NAALADL2: variants seen among roughly 807,000 people sequenced by gnomAD.
NAALADL2 encodes N-acetylated alpha-linked acidic dipeptidase like 2.
Under a neutral mutation model 87.2 loss-of-function variants are expected in NAALADL2, and 76 were observed. The ratio of observed to expected loss-of-function variants is 0.87; its 90% CI spans 0.72 to 1.05. The LOEUF is 1.05. NAALADL2 is among the 50% of genes least tolerant of loss of function. The probability of loss-of-function intolerance (pLI) is 0.00; values close to 1 mark genes in which losing one functional copy is unlikely to be tolerated. For synonymous variants in NAALADL2, 354 were observed against 331.0 expected, an observed-to-expected ratio of 1.07 and a Z score of -0.75; for missense variants, 1,089 against 945.8, an observed-to-expected ratio of 1.15 and a Z score of -1.99.
chr3:174,556,222 T>C (rs1235473472), intron 2 of NAALADL2, among the ~76,000 whole-genome samples: 13 of 152,128 alleles, frequency 8.5e-5, no homozygotes. Context: ...TTCCCTGTCG[T>C]GGGCCATGAT....
chr3:175,423,018 G>GA lies in NAALADL2; in HGVS notation c.1091-24200dup, dbSNP rs1218647180. Among the ~76,000 whole-genome samples, 433 of 61,566 alleles carry GA rather than the reference G, an allele frequency of 7.0e-3. 12 individuals carry two copies. The highest frequency in any genetic ancestry group is 0.031 in the African/African-American group (390 of 12,676). 40.4% of individuals were successfully genotyped at this position (61,566 alleles called of 152,430 possible). On this transcript the variant is annotated intron_variant, in intron 5 of 13. Transcript: ENST00000454872. The stretch of plus-strand genomic sequence containing the variant: ...AAAGAGATGGCTCCCAGGTCCTTAA[G>GA]AAAAAAAAAAATATATATATATATA...
intron 1 of NAALADL2, among the ~76,000 whole-genome samples, chr3:174,987,595 A>AT (rs1746095962): frequency 5.6e-5 from 8 of 141,964 alleles, no homozygotes; most frequent in African/African-American, 1.9e-4. Context: ...AAAAAAAAAA[A>AT]AAACAATACT....
chr3:174,984,264 T>C (rs1235536206), intron 1 of NAALADL2, among the ~76,000 whole-genome samples: 4 of 152,236 alleles, frequency 2.6e-5, no homozygotes, highest in Non-Finnish European at 5.9e-5. Flanking sequence ...CATGGCAATT[T>C]ACATTGAAAA....
At chr3:174,477,951 GA>G (rs573225552) in intron 1 of NAALADL2, among the ~76,000 whole-genome samples, 106 of 152,280 alleles carry the variant, frequency 7.0e-4, no homozygotes, top group Non-Finnish European at 2.2e-4. Flanking sequence ...GATTAATGGA[GA>G]AAAGTCATTG....
At chr3:174,941,357 G>T (rs578016001) in intron 1 of NAALADL2, among the ~76,000 whole-genome samples, 1 of 152,208 alleles carries the variant, frequency 6.6e-6, no homozygotes, top group South Asian at 2.1e-4. Context: ...TATGGTCCGA[G>T]ACTGTGTTTG....
intron 3 of NAALADL2, among the ~76,000 whole-genome samples, chr3:174,839,843 A>T (rs1245684613): frequency 2.7e-5 from 4 of 147,254 alleles, no homozygotes; most frequent in Non-Finnish European, 4.4e-5. Flanking sequence ...AAAAAATAAT[A>T]AAAAAAAATA....
intron 10 of NAALADL2, among the ~76,000 whole-genome samples, chr3:175,596,544 C>T (rs1185773508): frequency 6.6e-6 from 1 of 151,838 alleles, no homozygotes; most frequent in Non-Finnish European, 1.5e-5. Flanking sequence ...TGTTTCCTAA[C>T]TTTGAAGTTA....
At chr3:175,224,343 G>A (rs1183522383) in intron 2 of NAALADL2, among the ~76,000 whole-genome samples, 1 of 152,168 alleles carries the variant, frequency 6.6e-6, no homozygotes, top group Non-Finnish European at 1.5e-5. Flanking sequence ...GGCAGGATGT[G>A]TCTCACAGCC....
rs1755003991 is a variant in NAALADL2 at position 175,809,540 on chromosome 3, G to GAAAAGA, written c.*6343_*6348dup. 1.1e-5 allele frequency: 1 copy of GAAAAGA among 90,898 alleles called. No homozygotes were observed. The highest frequency in any genetic ancestry group is 4.0e-5 in the African/African-American group (1 of 25,224). 5.6% of individuals were successfully genotyped at this position (90,898 alleles called of 1,614,324 possible). A position where few individuals can be genotyped will look rare whatever the true frequency, so the allele number is the denominator to read the frequency against. ...AAAAAAAAAAAAAAAAAAAAAAAAA[G>GAAAAGA]AAAAGAAAAAGTAGCTAGGCATGTT... On this transcript the variant is annotated 3_prime_UTR_variant, in exon 14 of 14. Transcript: ENST00000454872.
intron 2 of NAALADL2, among the ~76,000 whole-genome samples, chr3:175,117,815 C>T (rs765625772): frequency 5.3e-5 from 8 of 151,978 alleles, no homozygotes; most frequent in South Asian, 2.1e-4. Flanking sequence ...CATGTGCACA[C>T]GTATGTTTAT....
At chr3:175,256,564 C>T (rs938397085) in intron 4 of NAALADL2, 34 bp downstream of exon 4, 6 of 1,595,510 alleles carry the variant, frequency 3.8e-6, no homozygotes, top group East Asian at 2.3e-5. Flanking sequence ...GTGGTTTGGT[C>T]AATATTTTGC....
chr3:174,941,655 A>T (rs980579312), intron 1 of NAALADL2, among the ~76,000 whole-genome samples: 11 of 152,044 alleles, frequency 7.2e-5, no homozygotes, highest in Non-Finnish European at 1.5e-5. Flanking sequence ...GTCTCTAAGA[A>T]CTTGTTTTAG....
intron 5 of NAALADL2, among the ~76,000 whole-genome samples, chr3:175,407,040 C>T (rs1354486581): frequency 1.4e-4 from 21 of 151,858 alleles, no homozygotes; most frequent in African/African-American, 4.6e-4. Flanking sequence ...AAAAATTAGC[C>T]AGGTGTAGTG....
At chr3:174,526,191 G>A (rs902446742) in intron 1 of NAALADL2, among the ~76,000 whole-genome samples, 4 of 152,048 alleles carry the variant, frequency 2.6e-5, no homozygotes, top group African/African-American at 4.8e-5. Context: ...TCCCACTTTC[G>A]TTTCATCATC....
rs1450863950 is a variant in NAALADL2, at chr3:174,926,237, G to A, written c.43+66787G>A. The stretch of plus-strand genomic sequence containing the variant: ...AAGACCAAATCTACATCTGATTGGT[G>A]TACCTGAAAGTGACAGGGAGAATGG... On this transcript the variant is annotated intron_variant, in intron 1 of 13. Coordinates refer to ENST00000454872, the MANE Select transcript of NAALADL2 (RefSeq NM_207015.3). 2.0e-5 allele frequency among the ~76,000 whole-genome samples: 3 copies of A among 152,202 alleles called. No individual in the cohort carries two copies. In the East Asian group the frequency reaches 5.8e-4, roughly 29 times the overall value.
At chr3:175,481,158 G>A (rs1013740842) in intron 9 of NAALADL2, among the ~76,000 whole-genome samples, 2 of 151,642 alleles carry the variant, frequency 1.3e-5, no homozygotes, top group Non-Finnish European at 2.9e-5. Context: ...ACAATATATG[G>A]GAATTCATTG....
chr3:174,717,414 C>G (rs1731287561), intron 2 of NAALADL2, among the ~76,000 whole-genome samples: 1 of 152,132 alleles, frequency 6.6e-6, no homozygotes, highest in African/African-American at 2.4e-5. Flanking sequence ...AAATGTCATG[C>G]CGGTCTTTTT....
chr3:174,779,598 C>T (rs528754170), intron 3 of NAALADL2, among the ~76,000 whole-genome samples: 9 of 152,054 alleles, frequency 5.9e-5, no homozygotes, highest in South Asian at 2.1e-4. Flanking sequence ...TAGGCTTTTA[C>T]GGCTTTAGGT....
intron 13 of NAALADL2, among the ~76,000 whole-genome samples, chr3:175,763,348 T>A (rs936124160): frequency 2.6e-5 from 4 of 152,070 alleles, no homozygotes; most frequent in Non-Finnish European, 4.4e-5. Flanking sequence ...TAATATCTTT[T>A]AAAAAAATGC....
Sources: allele counts gnomAD v4.1 joint callset (sites outside exome capture counted in the v4.1 genomes callset), GRCh38; gene constraint gnomAD v4.1.1; transcripts MANE v1.5; gene names NCBI Gene and HGNC (gene_info 2026-07-23, HGNC 2026-07-21).